PLS1: variants seen among roughly 807,000 people sequenced by gnomAD.
PLS1 encodes plastin-1.
In PLS1, 32 loss-of-function variants were observed where a neutral mutation model predicts 73.7. The observed-to-expected ratio is 0.43, with a 90% CI of 0.33 to 0.58. The LOEUF (loss-of-function observed/expected upper bound fraction) is 0.58, where lower values mean the gene tolerates loss of function less well. Among genes scored for constraint, PLS1 ranks in the 20% least tolerant of loss-of-function variants. PLS1 has a pLI of 0.04. For synonymous variants in PLS1, 217 were observed against 261.3 expected, an observed-to-expected ratio of 0.83 and a Z score of 1.63; for missense variants, 633 against 740.5, an observed-to-expected ratio of 0.85 and a Z score of 1.68.
At chr3:142,702,145 C>G (rs141814302) in intron 12 of PLS1, among the ~76,000 whole-genome samples, 1 of 152,322 alleles carries the variant, frequency 6.6e-6, no homozygotes, top group East Asian at 1.9e-4. Flanking sequence ...CAGCCTTGAA[C>G]TCCTGCCCTT....
chr3:142,639,874 A>G (rs898075002), intron 1 of PLS1, among the ~76,000 whole-genome samples: 2 of 152,234 alleles, frequency 1.3e-5, no homozygotes, highest in African/African-American at 4.8e-5. Flanking sequence ...GATGTTTGAC[A>G]TAGTGTTAAA....
At chr3:142,634,041 A>G (rs1463347162) in intron 1 of PLS1, among the ~76,000 whole-genome samples, 1 of 152,236 alleles carries the variant, frequency 6.6e-6, no homozygotes, top group Non-Finnish European at 1.5e-5. Context: ...TGAGATGAAA[A>G]TACAATGGAC....
intron 1 of PLS1, among the ~76,000 whole-genome samples, chr3:142,617,257 C>T (rs955247594): frequency 3.3e-5 from 5 of 151,756 alleles, no homozygotes; most frequent in Non-Finnish European, 7.4e-5. Flanking sequence ...CTTGTAAACA[C>T]GCTCAAGTCC....
At chr3:142,643,911 C>T (rs1370977103) in intron 1 of PLS1, among the ~76,000 whole-genome samples, 4 of 149,814 alleles carry the variant, frequency 2.7e-5, no homozygotes, top group Non-Finnish European at 5.9e-5. Context: ...CTCACTGCAA[C>T]CTCCACCTGC....
At chr3:142,668,932 C>T (rs2037540282) in intron 2 of PLS1, among the ~76,000 whole-genome samples, 3 of 152,060 alleles carry the variant, frequency 2.0e-5, no homozygotes, top group Admixed American at 2.0e-4. Context: ...GATGCTTAGT[C>T]ATGTGCTAAA....
intron 1 of PLS1, among the ~76,000 whole-genome samples, chr3:142,638,967 C>A (rs1042716094): frequency 6.6e-6 from 1 of 152,040 alleles, no homozygotes; most frequent in African/African-American, 2.4e-5. Context: ...TCTCCAACTC[C>A]CGACCTCAGG....
intron 1 of PLS1, among the ~76,000 whole-genome samples, chr3:142,618,723 A>G (rs975676869): frequency 3.9e-5 from 6 of 152,044 alleles, no homozygotes; most frequent in African/African-American, 1.4e-4. Context: ...CCCCTCTCAT[A>G]CTTTGAATCT....
rs570740867 is a variant in PLS1 at position 142,598,191 on chromosome 3, C to A, written c.-37+1682C>A. Among the ~76,000 whole-genome samples, 13 of 152,176 alleles carry A rather than the reference C, an allele frequency of 8.5e-5. No individual in the cohort carries two copies. The South Asian group carries it at 2.3e-3, about 27-fold the overall frequency. ...TTAGTATCCCCATTGTATATAGTATCCTGAGTATTTTAGCACCTCCCAACT... is the reference window on the plus strand; with the variant it reads ...TTAGTATCCCCATTGTATATAGTATACTGAGTATTTTAGCACCTCCCAACT... On this transcript the variant is annotated intron_variant, in intron 1 of 15. Coordinates refer to ENST00000457734, the MANE Select transcript of PLS1 (RefSeq NM_001145319.2).
At chr3:142,672,433 C>G (rs2037623655) in intron 4 of PLS1, among the ~76,000 whole-genome samples, 1 of 149,114 alleles carries the variant, frequency 6.7e-6, no homozygotes, top group South Asian at 2.1e-4. Context: ...AGCTCCACTT[C>G]CCAGGTTCAC....
At position 142,650,288 on chromosome 3, in the gene PLS1, A is replaced by T. The variant is rs143449940; in HGVS notation, c.-36-13914A>T. Among the ~76,000 whole-genome samples, 359 of 129,722 alleles carry T rather than the reference A, an allele frequency of 2.8e-3. 4 individuals are homozygous for T. The highest frequency in any genetic ancestry group is 0.01 in the African/African-American group (337 of 33,390). 85.1% of individuals were successfully genotyped at this position (129,722 alleles called of 152,430 possible). On this transcript the variant is annotated intron_variant, in intron 1 of 15. Transcript: ENST00000457734. ...AGCTGGAGAGCAGTGGTGTGATCTCACCTCACTGCAACCTCTGCCTCTCAG... is the reference window on the plus strand; with the variant it reads ...AGCTGGAGAGCAGTGGTGTGATCTCTCCTCACTGCAACCTCTGCCTCTCAG...
At chr3:142,660,155 A>G (rs915264637) in intron 1 of PLS1, among the ~76,000 whole-genome samples, 5 of 151,958 alleles carry the variant, frequency 3.3e-5, no homozygotes, top group African/African-American at 1.2e-4. Flanking sequence ...CAGTTTCAGG[A>G]AAAAAAAGGC....
intron 8 of PLS1, among the ~76,000 whole-genome samples, chr3:142,684,703 G>A (rs1284616556): frequency 6.6e-6 from 1 of 152,180 alleles, no homozygotes; most frequent in Admixed American, 6.5e-5. Flanking sequence ...TAATGAGGAT[G>A]TCAGTCTGTT....
chr3:142,710,501 T>C (rs1933068811), intron 14 of PLS1, among the ~76,000 whole-genome samples: 1 of 152,198 alleles, frequency 6.6e-6, no homozygotes, highest in Non-Finnish European at 1.5e-5. Context: ...TACCTGTTTA[T>C]GCACTGTATG....
At chr3:142,612,302 G>A (rs1470978938) in intron 1 of PLS1, among the ~76,000 whole-genome samples, 1 of 152,170 alleles carries the variant, frequency 6.6e-6, no homozygotes, top group Non-Finnish European at 1.5e-5. Flanking sequence ...GATAATCGGG[G>A]CAGGGCTGGA....
intron 1 of PLS1, among the ~76,000 whole-genome samples, chr3:142,631,667 A>G (rs1314215926): frequency 1.4e-5 from 2 of 146,062 alleles, no homozygotes; most frequent in Admixed American, 7.0e-5. Flanking sequence ...GTCTCTAGAA[A>G]AAAAAAAAAA....
chr3:142,630,029 C>G (rs149600109), intron 1 of PLS1, among the ~76,000 whole-genome samples: 11 of 152,262 alleles, frequency 7.2e-5, no homozygotes, highest in Admixed American at 2.6e-4. Context: ...AAAGCAAGAC[C>G]TAAGGGTCAA....
intron 1 of PLS1, among the ~76,000 whole-genome samples, chr3:142,628,621 A>G (rs2036484986): frequency 6.6e-6 from 1 of 152,202 alleles, no homozygotes; most frequent in Non-Finnish European, 1.5e-5. Flanking sequence ...TACCTTGATA[A>G]TGGCACCTGT....
chr3:142,703,098 A>G (rs1193528221), intron 12 of PLS1, among the ~76,000 whole-genome samples: 1 of 152,182 alleles, frequency 6.6e-6, no homozygotes, highest in Non-Finnish European at 1.5e-5. Flanking sequence ...TTCAGAGGAT[A>G]AGTAAGATCT....
At chr3:142,620,462 T>G (rs2036294708) in intron 1 of PLS1, among the ~76,000 whole-genome samples, 1 of 152,132 alleles carries the variant, frequency 6.6e-6, no homozygotes, top group Non-Finnish European at 1.5e-5. Flanking sequence ...CAGAAAGATA[T>G]TCTCACAGAT....
Sources: allele counts gnomAD v4.1 joint callset (sites outside exome capture counted in the v4.1 genomes callset), GRCh38; gene constraint gnomAD v4.1.1; transcripts MANE v1.5; gene names NCBI Gene and HGNC (gene_info 2026-07-23, HGNC 2026-07-21).